The following RSF1 variants were observed in gnomAD, a reference collection of about 807,000 sequenced individuals.
The protein encoded by RSF1 is HBV pX-associated protein 8.
Under a neutral mutation model 145.2 loss-of-function variants are expected in RSF1, and 13 were observed. The ratio of observed to expected loss-of-function variants is 0.09; its 90% CI spans 0.06 to 0.14. The LOEUF (loss-of-function observed/expected upper bound fraction) is 0.14, where lower values mean the gene tolerates loss of function less well. Ranked by LOEUF, RSF1 falls within the 10% of genes least tolerant of loss-of-function variation. RSF1 has a pLI of 1.00. For synonymous variants in RSF1, 577 were observed against 592.6 expected (o/e 0.97, Z 0.38); for missense variants, 1,517 against 1,718.2 (o/e 0.88, Z 2.07).
upstream of RSF1, among the ~76,000 whole-genome samples, chr11:77,825,676 T>C (rs1206362470): frequency 2.0e-5 from 3 of 151,938 alleles, no homozygotes; most frequent in East Asian, 1.9e-4. Context: ...CCTTTAGAAG[T>C]GTCTTACTAC....
chr11:77,687,260 C>T (rs1960034068), intron 9 of RSF1, among the ~76,000 whole-genome samples: 1 of 152,118 alleles, frequency 6.6e-6, no homozygotes, highest in Non-Finnish European at 1.5e-5. Context: ...TCAGCAAACA[C>T]CAACAACAAT....
rs191073255 is a variant in RSF1 at position 77,761,130 on chromosome 11, G to A, written c.279+3468C>T. 4.4e-3 allele frequency among the ~76,000 whole-genome samples: 663 copies of A among 152,040 alleles called. 4 individuals carry two copies. The highest frequency in any genetic ancestry group is 0.015 in the African/African-American group (628 of 41,460). On this transcript the variant is annotated intron_variant, in intron 2 of 15. Transcript: ENST00000308488. ...TTTTTTTTGTATTTTCAGTAGGGACGGGGTTTCACCATGTTGGTCAGGATG... is the reference window on the plus strand; with the variant it reads ...TTTTTTTTGTATTTTCAGTAGGGACAGGGTTTCACCATGTTGGTCAGGATG...
At chr11:77,829,542 A>G in the RSF1 span, 1 of 152,084 alleles carries the variant, frequency 6.6e-6, no homozygotes, top group South Asian at 2.1e-4. Context: ...ATGCTGAGAA[A>G]ACTGGAGATC....
chr11:77,779,539 C>T (rs1000920985), intron 1 of RSF1, among the ~76,000 whole-genome samples: 22 of 151,994 alleles, frequency 1.4e-4, no homozygotes, highest in African/African-American at 3.6e-4. Flanking sequence ...TGCGCCACCA[C>T]GCCTGGCTAA....
chr11:77,842,698 T>G, the RSF1 span: 5 of 1,576,638 alleles, frequency 3.2e-6, no homozygotes. Flanking sequence ...TAAGCTGCAA[T>G]GACTAAGTGA....
intron 4 of RSF1, chr11:77,735,016 G>A (rs977264073): frequency 7.0e-6 from 11 of 1,573,218 alleles, no homozygotes; most frequent in East Asian, 6.7e-5. Context: ...TGAGGTGGAC[G>A]TGGTCCTCAT....
At chr11:77,729,072 T>C (rs901957295) in intron 4 of RSF1, among the ~76,000 whole-genome samples, 3 of 152,124 alleles carry the variant, frequency 2.0e-5, no homozygotes, top group African/African-American at 7.2e-5. Context: ...GGGTTTACAC[T>C]TGGTATAAAA....
intron 8 of RSF1, 81 bp from the exon 9 acceptor site, chr11:77,691,319 G>T: frequency 8.2e-7 from 1 of 1,223,830 alleles, no homozygotes; most frequent in Non-Finnish European, 1.2e-6. Flanking sequence ...TTCATGGGTA[G>T]TGGGCTCTGA....
At position 77,666,120 on chromosome 11, in the gene RSF1, A is replaced by G. The variant is rs147853367; in HGVS notation, c.*797T>C. On this transcript the variant is annotated 3_prime_UTR_variant, in exon 16 of 16. Coordinates refer to ENST00000308488, the MANE Select transcript of RSF1 (RefSeq NM_016578.4). ...TTTCACTAATAACTCTCCATCAGAC[A>G]CAATATATTTGAGGCCACCTTATTA... is the stretch of plus-strand genomic sequence containing the variant. 3.7e-4 allele frequency: 56 copies of G among 152,362 alleles called. No homozygotes were observed. Among genetic ancestry groups the G allele is most frequent in the African/African-American group, 1.2e-3 (51 of 41,592 alleles). The allele number at this position is 152,362 out of a possible 1,614,324, so 9.4% of individuals were successfully genotyped here. A position where few individuals can be genotyped will look rare whatever the true frequency, so the allele number is the denominator to read the frequency against.
At chr11:77,810,400 C>G (rs145349267) in intron 1 of RSF1, among the ~76,000 whole-genome samples, 1 of 152,096 alleles carries the variant, frequency 6.6e-6, no homozygotes, top group Non-Finnish European at 1.5e-5. Context: ...ACCTTGTTAA[C>G]AAAAAAGCTT....
chr11:77,685,248 A>G, intron 9 of RSF1, 89 bp from the exon 10 acceptor site: 1 of 684,584 alleles, frequency 1.5e-6, no homozygotes, highest in Non-Finnish European at 2.4e-6. Flanking sequence ...TGTTAAAATT[A>G]CAATTTCACG....
At chr11:77,859,414 G>C in the RSF1 span, among the ~76,000 whole-genome samples, 1 of 152,160 alleles carries the variant, frequency 6.6e-6, no homozygotes, top group East Asian at 1.9e-4. Flanking sequence ...ATGGCTTCCT[G>C]ATGTTTGATA....
At chr11:77,727,928 T>C (rs1961098555) in intron 4 of RSF1, among the ~76,000 whole-genome samples, 1 of 152,156 alleles carries the variant, frequency 6.6e-6, no homozygotes, top group Admixed American at 6.5e-5. Context: ...CATCTTTGGG[T>C]TTTTCCTATT....
At chr11:77,841,298 C>T in the RSF1 span, 3 of 695,726 alleles carry the variant, frequency 4.3e-6, no homozygotes, top group Non-Finnish European at 5.3e-6. Context: ...ACATTCAAAC[C>T]ATAGCACTAA....
chr11:77,711,671 A>AAAACAAAC lies in RSF1; in HGVS notation c.734-9184_734-9177dup, dbSNP rs60296832. Among the ~76,000 whole-genome samples, 1,257 of 151,674 alleles carry AAAACAAAC rather than the reference A, an allele frequency of 8.3e-3. 20 individuals are homozygous for AAAACAAAC. The highest frequency in any genetic ancestry group is 0.029 in the African/African-American group (1,213 of 41,244). ...GCAAGAAGAGCGAAAGTCCGTCTCA[A>AAAACAAAC]AAACAAACAAACAAACAAACAAACT... On this transcript the variant is annotated intron_variant, in intron 5 of 15. Coordinates refer to ENST00000308488, the MANE Select transcript of RSF1 (RefSeq NM_016578.4).
intron 3 of RSF1, among the ~76,000 whole-genome samples, chr11:77,745,316 T>A (rs1027910480): frequency 1.3e-5 from 2 of 152,120 alleles, no homozygotes; most frequent in African/African-American, 4.8e-5. Flanking sequence ...TCTACTGAGT[T>A]TGGGTTTAGT....
intron 13 of RSF1, among the ~76,000 whole-genome samples, chr11:77,676,430 G>A (rs992379300): frequency 2.0e-5 from 3 of 152,108 alleles, no homozygotes; most frequent in African/African-American, 7.2e-5. Context: ...ACTTCTATGA[G>A]TCATGAGAGG....
chr11:77,855,500 T>C, the RSF1 span: 1 of 192,512 alleles, frequency 5.2e-6, no homozygotes, highest in Non-Finnish European at 1.1e-5. Flanking sequence ...TTTCTTTTTT[T>C]TTGTATTTTT....
chr11:77,707,795 A>G lies in RSF1; in HGVS notation c.734-5300T>C, dbSNP rs568116161. On this transcript the variant is annotated intron_variant, in intron 5 of 15. Transcript: ENST00000308488. ...CTGCTTTACACTTGGAAACCTCATT[A>G]AAGAATTTTTCAAAGACAGTGAAAC... 4.1e-4 allele frequency among the ~76,000 whole-genome samples: 62 copies of G among 152,336 alleles called. 1 individual carries two copies. The highest frequency in any genetic ancestry group is 1.4e-3 in the African/African-American group (60 of 41,574).
Sources: allele counts gnomAD v4.1 joint callset (sites outside exome capture counted in the v4.1 genomes callset), GRCh38; gene constraint gnomAD v4.1.1; transcripts MANE v1.5; gene names NCBI Gene and HGNC (gene_info 2026-07-23, HGNC 2026-07-21).